The following FBXO28 variants were observed in gnomAD, a reference collection of about 807,000 sequenced individuals.
FBXO28 encodes F-box protein 28, also known as F-box only protein 28.
A neutral mutation model predicts 38.1 loss-of-function variants in FBXO28; 8 were observed. The observed-to-expected ratio is 0.21, with a 90% CI of 0.12 to 0.38. The LOEUF (loss-of-function observed/expected upper bound fraction) is 0.38. Among genes scored for constraint, FBXO28 ranks in the 10% least tolerant of loss-of-function variants. FBXO28 has a pLI of 1.00. For missense variants in FBXO28, 345 were observed against 460.6 expected (o/e 0.75, Z 2.30); for synonymous variants, 168 against 173.8 (o/e 0.97, Z 0.26).
At chr1:224,123,442 CA>C (rs10647785) in intron 1 of FBXO28, among the ~76,000 whole-genome samples, 993 of 64,242 alleles carry the variant, frequency 0.015, 3 homozygotes, top group African/African-American at 0.055. Flanking sequence ...GACCCTGTCT[CA>C]AAAAAAAAAA....
chr1:224,122,853 T>C (rs1376737541), intron 1 of FBXO28, among the ~76,000 whole-genome samples: 5 of 152,216 alleles, frequency 3.3e-5, no homozygotes, highest in Non-Finnish European at 7.3e-5. Context: ...CAAGAAGTCC[T>C]ACCTTTTAGA....
At chr1:224,130,341 CA>C (rs201751201) in intron 1 of FBXO28, 130 bp from the exon 2 acceptor site, 510 of 591,098 alleles carry the variant, frequency 8.6e-4, no homozygotes, top group South Asian at 1.1e-3. Flanking sequence ...GACTTCGTCT[CA>C]AAAAAAAAGA....
chr1:224,154,585 G>A (rs1002477095), intron 4 of FBXO28, among the ~76,000 whole-genome samples: 1 of 151,988 alleles, frequency 6.6e-6, no homozygotes, highest in Admixed American at 6.6e-5. Context: ...AAGGCGGGCG[G>A]ATCACGAGGT....
Position 224,157,863 on chromosome 1 carries a change from A to G in FBXO28, c.*117A>G, listed in dbSNP as rs1288175478. The G allele has an allele frequency of 1.4e-6, 2 of 1,446,130 alleles. No homozygotes were observed. The highest frequency in any genetic ancestry group is 5.0e-5 in the East Asian group (2 of 40,370). 89.6% of individuals were successfully genotyped at this position (1,446,130 alleles called of 1,614,324 possible). Reference sequence around the variant, plus strand: ...TTAAGCTTCTAGGCTTTCAGAACACAACTTAAACTTGAACTCTTATGGTTG... The same window carrying G: ...TTAAGCTTCTAGGCTTTCAGAACACGACTTAAACTTGAACTCTTATGGTTG... On this transcript the variant is annotated 3_prime_UTR_variant, in exon 5 of 5. Transcript: ENST00000366862.
At chr1:224,141,903 T>TG (rs1657363546) in intron 3 of FBXO28, among the ~76,000 whole-genome samples, 1 of 151,646 alleles carries the variant, frequency 6.6e-6, no homozygotes, top group South Asian at 2.1e-4. Context: ...TTTTTTTTTT[T>TG]TTTGATACTG....
intron 2 of FBXO28, chr1:224,130,786 G>A: frequency 2.3e-6 from 1 of 442,440 alleles, no homozygotes; most frequent in Non-Finnish European, 4.1e-6. Context: ...AGAGAAATTA[G>A]GCAAGAAAAT....
chr1:224,134,437 A>C (rs1396800666), intron 3 of FBXO28: 4 of 363,900 alleles, frequency 1.1e-5, no homozygotes, highest in Non-Finnish European at 1.9e-5. Context: ...TTCTTTAGAG[A>C]AGTTTTTTAA....
At chr1:224,144,200 A>G (rs1657441465) in intron 3 of FBXO28, among the ~76,000 whole-genome samples, 1 of 149,420 alleles carries the variant, frequency 6.7e-6, no homozygotes, top group Non-Finnish European at 1.5e-5. Context: ...GTGGTGGTTC[A>G]TGCTTGTAAT....
chr1:224,134,071 T>C lies in FBXO28; in HGVS notation c.378-3T>C. ...CTTGCTTTTATTATTATTATTATTA[T>C]AGGAGAGAGTCAGAAAGGAGAAACC... On this transcript the variant is annotated splice_polypyrimidine_tract_variant and splice_region_variant and intron_variant, in intron 2 of 4. Coordinates refer to ENST00000366862, the MANE Select transcript of FBXO28 (RefSeq NM_015176.4). The C allele has an allele frequency of 2.6e-6, 4 of 1,521,568 alleles. No homozygotes were observed. Among genetic ancestry groups the C allele is most frequent in the Non-Finnish European group, 3.5e-6 (4 of 1,137,582 alleles). The allele number at this position is 1,521,568 out of a possible 1,614,324, so 94.3% of individuals were successfully genotyped here.
chr1:224,134,629 A>AATAT (rs1287688070), intron 3 of FBXO28, among the ~76,000 whole-genome samples: 1 of 152,202 alleles, frequency 6.6e-6, no homozygotes, highest in Non-Finnish European at 1.5e-5. Flanking sequence ...ACAACTTTAT[A>AATAT]AACTTTCTGA....
chr1:224,119,220 G>T (rs1290149391), intron 1 of FBXO28, among the ~76,000 whole-genome samples: 1 of 136,396 alleles, frequency 7.3e-6, no homozygotes, highest in Non-Finnish European at 1.5e-5. Flanking sequence ...TGCAAACTCT[G>T]CCTCCCAGGT....
Position 224,157,714 on chromosome 1 carries a change from A to G in FBXO28, c.1075A>G (p.Arg359Gly). The G allele has an allele frequency of 6.2e-7, 1 of 1,608,684 alleles. No homozygotes were observed. The highest frequency in any genetic ancestry group is 1.3e-5 in the African/African-American group (1 of 74,522). Reference protein sequence around the residue: ...KKATEAIDSLRKSKRLRNRK With the variant: ...KKATEAIDSLGKSKRLRNRK ...GGCCACGGAAGCCATAGACTCTCTT[A>G]GGAAATCTAAACGTCTTCGGAATAG... Residue 359 changes from arginine to glycine, a missense_variant, in exon 5 of 5, where the codon AGG becomes GGG. Physicochemically the swap from Arg to Gly is moderately radical, Grantham distance 125 (BLOSUM62 -2). Transcript: ENST00000366862.
At chr1:224,134,329 TAATG>T (rs1389582572) in intron 3 of FBXO28, 117 bp downstream of exon 3, 6 of 949,770 alleles carry the variant, frequency 6.3e-6, no homozygotes, top group South Asian at 3.3e-5. Context: ...GAGTTTCTAC[TAATG>T]AATTTGTTTG....
At chr1:224,134,363 T>TA (rs1157069366) in intron 3 of FBXO28, 151 bp downstream of exon 3, 12 of 580,168 alleles carry the variant, frequency 2.1e-5, no homozygotes, top group African/African-American at 2.0e-4. Flanking sequence ...CAGTTATAAA[T>TA]ATGTATCATT....
chr1:224,128,515 A>G (rs1342737382), intron 1 of FBXO28, among the ~76,000 whole-genome samples: 2 of 152,126 alleles, frequency 1.3e-5, no homozygotes, highest in Non-Finnish European at 2.9e-5. Context: ...GAGTTTACCA[A>G]GTGATTTAGT....
At position 224,136,715 on chromosome 1, in the gene FBXO28, A is replaced by G. The variant is rs547325163; in HGVS notation, c.516+2503A>G. Among the ~76,000 whole-genome samples the G allele has an allele frequency of 4.0e-3, 598 of 151,250 alleles. 4 individuals are homozygous for G. The highest frequency in any genetic ancestry group is 0.01 in the Middle Eastern group (3 of 294). Reference sequence around the variant, plus strand: ...TGCACTCCAGCCTGGGCGACAGAGCAAGACTTTGTCTCCAGAAAAAAAAAA... The same window carrying G: ...TGCACTCCAGCCTGGGCGACAGAGCGAGACTTTGTCTCCAGAAAAAAAAAA... On this transcript the variant is annotated intron_variant, in intron 3 of 4. Transcript: ENST00000366862.
rs1215708603 is a variant in FBXO28, at chr1:224,114,120, A to G, written c.-10A>G. ...CCCTTGCTGTGGGGGTAAGGAATCA[A>G]GCCCCCAAGATGGCGGCAGCGGCGG... On this transcript the variant is annotated 5_prime_UTR_variant, in exon 1 of 5. Transcript: ENST00000366862. The G allele has an allele frequency of 3.9e-6, 6 of 1,532,454 alleles. No individual in the cohort carries two copies. Among genetic ancestry groups the G allele is most frequent in the South Asian group, 1.2e-5 (1 of 81,236 alleles). The allele number at this position is 1,532,454 out of a possible 1,614,324, so 94.9% of individuals were successfully genotyped here. A position where few individuals can be genotyped will look rare whatever the true frequency, so the allele number is the denominator to read the frequency against.
intron 3 of FBXO28, among the ~76,000 whole-genome samples, chr1:224,150,803 A>G (rs1657624257): frequency 1.3e-5 from 2 of 152,142 alleles, no homozygotes; most frequent in Non-Finnish European, 2.9e-5. Flanking sequence ...GCCTTTCCTG[A>G]TAGAAACTGT....
At chr1:224,120,775 A>C (rs1656753316) in intron 1 of FBXO28, among the ~76,000 whole-genome samples, 1 of 152,034 alleles carries the variant, frequency 6.6e-6, no homozygotes, top group African/African-American at 2.4e-5. Flanking sequence ...AGGCAGGAGA[A>C]TCACTCGGAC....
Sources: gnomAD v4.1 joint callset for allele counts (sites outside exome capture counted in the v4.1 genomes callset) on GRCh38, gnomAD v4.1.1 for gene constraint, MANE v1.5 for transcripts, NCBI Gene and HGNC (gene_info 2026-07-23, HGNC 2026-07-21) for gene names.